The following GAD2 variants were observed in gnomAD, a reference collection of about 807,000 sequenced individuals.
The protein encoded by GAD2 is glutamate decarboxylase 2.
Under a neutral mutation model 80.1 loss-of-function variants are expected in GAD2, and 22 were observed. That is an observed-to-expected ratio of 0.27 (90% CI 0.20 to 0.39). GAD2 has a LOEUF of 0.39. Among genes scored for constraint, GAD2 ranks in the 10% least tolerant of loss-of-function variants. The pLI, the probability that GAD2 is intolerant of heterozygous loss-of-function variation, is 1.00. For synonymous variants in GAD2, 274 were observed against 256.9 expected, an observed-to-expected ratio of 1.07 and a Z score of -0.64; for missense variants, 624 against 738.4, an observed-to-expected ratio of 0.85 and a Z score of 1.80.
intron 4 of GAD2, among the ~76,000 whole-genome samples, chr10:26,223,099 A>G (rs993577026): frequency 2.0e-5 from 3 of 152,220 alleles, no homozygotes; most frequent in African/African-American, 7.2e-5. Flanking sequence ...AGAGGAATCT[A>G]GAAGTTAATT....
At chr10:26,253,270 T>C (rs983564179) in intron 8 of GAD2, among the ~76,000 whole-genome samples, 2 of 152,194 alleles carry the variant, frequency 1.3e-5, no homozygotes, top group Non-Finnish European at 2.9e-5. Context: ...GTTAGGTGAA[T>C]ACAAGATTTC....
chr10:26,222,242 T>A (rs1844462134), intron 4 of GAD2, among the ~76,000 whole-genome samples: 1 of 152,194 alleles, frequency 6.6e-6, no homozygotes, highest in Non-Finnish European at 1.5e-5. Flanking sequence ...GGCCTTCTGA[T>A]ATCCAGAGGC....
rs758930871 is a variant in GAD2, at chr10:26,281,032, C to T, written c.1181C>T (p.Pro394Leu). The T allele has an allele frequency of 1.2e-5, 20 of 1,613,786 alleles. No homozygotes were observed. The highest frequency in any genetic ancestry group is 1.7e-5 in the Non-Finnish European group (20 of 1,179,788). Residue 394 changes from proline to leucine, a missense_variant, in exon 12 of 16, where the codon CCA (proline) becomes CTA (leucine). Physicochemically the swap from Pro to Leu is moderately conservative, Grantham distance 98. Transcript: ENST00000376261. Reference protein sequence around the residue: ...VERANSVTWNPHKMMGVPLQC... With the variant: ...VERANSVTWNLHKMMGVPLQC... ...AGGGCCAACTCTGTGACGTGGAATC[C>T]ACACAAGATGATGGGAGTCCCTTTG...
intron 15 of GAD2, among the ~76,000 whole-genome samples, chr10:26,298,818 G>A (rs893743915): frequency 1.3e-5 from 2 of 152,180 alleles, no homozygotes; most frequent in South Asian, 2.1e-4. Context: ...GACTTGACAC[G>A]CCTCACAACA....
At chr10:26,216,549 A>G, upstream of GAD2, 2 of 325,356 alleles carry the variant, frequency 6.1e-6, no homozygotes, top group Non-Finnish European at 1.1e-5. This position sits in a 1 kb window ranked among gnomAD's most constrained non-coding sequence, Gnocchi z 4.7. Context: ...ACCCTTAGGT[A>G]GTCCCGGTCT....
At chr10:26,224,421 A>G in intron 5 of GAD2, 118 bp from the exon 6 acceptor site, 1 of 730,014 alleles carries the variant, frequency 1.4e-6, no homozygotes, top group South Asian at 1.6e-5. Context: ...TTAATGTTAT[A>G]ATCATAACAC....
intron 11 of GAD2, among the ~76,000 whole-genome samples, chr10:26,279,774 G>T (rs1042026879): frequency 1.3e-5 from 2 of 152,082 alleles, no homozygotes; most frequent in Admixed American, 6.6e-5. Context: ...TTTCCCCAAG[G>T]CATGAGGCAA....
chr10:26,270,748 C>T lies in GAD2; in HGVS notation c.1084C>T (p.His362Tyr). Residue 362 changes from histidine (H) to tyrosine (Y), a missense_variant, in exon 10 of 16, where the codon CAT becomes TAT. His to Tyr is a moderately conservative substitution (Grantham distance 83). Transcript: ENST00000376261. ...DICKKYKIWM[H>Y]VDAAWGGGLL... ...TTGCAAAAAGTATAAGATCTGGATG[C>T]ATGTGGATGTAAGTATCCCTTAGGG... 6.2e-7 allele frequency: 1 copy of T among 1,603,898 alleles called. No individual in the cohort carries two copies. Among genetic ancestry groups the T allele is most frequent in the Non-Finnish European group, 8.5e-7 (1 of 1,170,626 alleles).
At chr10:26,271,271 G>T (rs557106986) in intron 10 of GAD2, among the ~76,000 whole-genome samples, 1 of 152,162 alleles carries the variant, frequency 6.6e-6, no homozygotes, top group Non-Finnish European at 1.5e-5. Context: ...TTCCAATTTC[G>T]TAGCTTGGTC....
Position 26,245,919 on chromosome 10 carries a change from A to G in GAD2, c.841-2A>G. On this transcript the variant is annotated splice_acceptor_variant, in intron 7 of 15. Coordinates refer to ENST00000376261, the MANE Select transcript of GAD2 (RefSeq NM_001134366.2). LOFTEE classifies it high-confidence loss of function. ...TTGCAAATATATATATTTTTTTTAC[A>G]GAGTCATTTTTCTCTCAAGAAGGGA... 1.2e-6 allele frequency: 2 copies of G among 1,609,214 alleles called. No individual in the cohort carries two copies. The highest frequency in any genetic ancestry group is 1.7e-6 in the Non-Finnish European group (2 of 1,176,016).
Position 26,292,580 on chromosome 10 carries a change from T to C in GAD2, c.1494+8T>C. ...ATGGTGTTTGATGGGAAGGTATGTATTTGGATTTCTACAATCTCAGAAAGT... is the reference window on the plus strand; with the variant it reads ...ATGGTGTTTGATGGGAAGGTATGTACTTGGATTTCTACAATCTCAGAAAGT... On this transcript the variant is annotated splice_region_variant and intron_variant, in intron 14 of 15. Transcript: ENST00000376261. 6.3e-7 allele frequency: 1 copy of C among 1,592,460 alleles called. No homozygotes were observed. Among genetic ancestry groups the C allele is most frequent in the South Asian group, 1.1e-5 (1 of 90,526 alleles).
chr10:26,224,713 C>A (rs1197194117), intron 6 of GAD2, 62 bp downstream of exon 6: 1 of 1,203,654 alleles, frequency 8.3e-7, no homozygotes, highest in Non-Finnish European at 1.2e-6. Flanking sequence ...TTGTTGTAAA[C>A]CTAGGGAAGA....
intron 7 of GAD2, among the ~76,000 whole-genome samples, chr10:26,240,498 G>T (rs531449993): frequency 1.3e-5 from 2 of 152,246 alleles, no homozygotes; most frequent in South Asian, 2.1e-4. Context: ...TTGGGAGGCT[G>T]AGGTGGGCAA....
chr10:26,265,340 G>A (rs1845059223), intron 8 of GAD2, among the ~76,000 whole-genome samples: 1 of 151,946 alleles, frequency 6.6e-6, no homozygotes, highest in African/African-American at 2.4e-5. Context: ...AAGTAGCTGG[G>A]ACTATAGGTG....
chr10:26,284,202 A>G (rs1230430432), intron 12 of GAD2, among the ~76,000 whole-genome samples: 2 of 152,176 alleles, frequency 1.3e-5, no homozygotes, highest in South Asian at 2.1e-4. Context: ...AGATGGTAAT[A>G]AGAGTTCCCC....
upstream of GAD2, chr10:26,216,690 C>G (rs1844375061): frequency 3.1e-6 from 2 of 637,538 alleles, no homozygotes; most frequent in Non-Finnish European, 5.0e-6. This position sits in a 1 kb window ranked among gnomAD's most constrained non-coding sequence, Gnocchi z 4.7. Context: ...TCGGCCCCGC[C>G]GGTCCCCGCG....
chr10:26,249,577 C>T (rs1844854123), intron 8 of GAD2, among the ~76,000 whole-genome samples: 1 of 152,238 alleles, frequency 6.6e-6, no homozygotes, highest in Non-Finnish European at 1.5e-5. Context: ...CTGGCGTTCT[C>T]CAGTGAACCC....
chr10:26,287,954 A>G (rs1834163832), intron 13 of GAD2, among the ~76,000 whole-genome samples: 1 of 152,232 alleles, frequency 6.6e-6, no homozygotes, highest in Non-Finnish European at 1.5e-5. Flanking sequence ...GAAGTATACC[A>G]GGATAAGACC....
intron 7 of GAD2, among the ~76,000 whole-genome samples, chr10:26,243,391 C>G (rs1215387978): frequency 6.6e-6 from 1 of 152,112 alleles, no homozygotes; most frequent in African/African-American, 2.4e-5. Context: ...GAGAGAGGAC[C>G]CTCTTAGGAT....
Sources: allele counts gnomAD v4.1 joint callset (sites outside exome capture counted in the v4.1 genomes callset), GRCh38; gene constraint gnomAD v4.1.1; non-coding constraint Gnocchi (gnomAD v3.1); transcripts MANE v1.5; gene names NCBI Gene and HGNC (gene_info 2026-07-23, HGNC 2026-07-21).